Variants in CNTN4 observed in about 807,000 individuals in gnomAD.
CNTN4 encodes contactin 4, also known as contactin-4.
CNTN4 carries 77 observed loss-of-function variants against 122.5 expected under a neutral mutation model. The ratio of observed to expected loss-of-function variants is 0.63; its 90% confidence interval spans 0.52 to 0.76. CNTN4 has a LOEUF of 0.76. Among genes scored for constraint, CNTN4 ranks in the 30% least tolerant of loss-of-function variants. CNTN4 has a pLI of 0.00. For synonymous variants in CNTN4, 512 were observed against 447.0 expected, an observed-to-expected ratio of 1.15 and a Z score of -1.83; for missense variants, 1,256 against 1,259.1, an observed-to-expected ratio of 1.00 and a Z score of 0.04.
chr3:2,146,268 T>A (rs2035244242), intron 2 of CNTN4, among the ~76,000 whole-genome samples: 1 of 151,686 alleles, frequency 6.6e-6, no homozygotes, highest in Non-Finnish European at 1.5e-5. Flanking sequence ...GAGTAACTGC[T>A]GTTAATATTT....
intron 13 of CNTN4, among the ~76,000 whole-genome samples, chr3:2,944,984 C>T (rs189137598): frequency 0.019 from 2,968 of 152,216 alleles, 88 homozygotes; most frequent in African/African-American, 0.068. Context: ...CTTTAAATCC[C>T]TGGATCAGCC....
At chr3:2,238,454 A>C (rs2039768123) in intron 2 of CNTN4, among the ~76,000 whole-genome samples, 1 of 151,972 alleles carries the variant, frequency 6.6e-6, no homozygotes, top group Admixed American at 6.6e-5. Flanking sequence ...ATAAAATTTC[A>C]TTTGCTGATG....
chr3:2,169,432 A>C (rs1213884186), intron 2 of CNTN4, among the ~76,000 whole-genome samples: 1 of 151,182 alleles, frequency 6.6e-6, no homozygotes, highest in African/African-American at 2.4e-5. Context: ...TTTGAGACGG[A>C]GTCTGGCTCT....
chr3:2,973,497 T>G (rs774486165), intron 13 of CNTN4, among the ~76,000 whole-genome samples: 3 of 151,968 alleles, frequency 2.0e-5, no homozygotes, highest in Admixed American at 6.6e-5. Flanking sequence ...ATAGCTTCAT[T>G]TTGGGGGAGA....
chr3:2,127,518 T>C (rs2034235311), intron 2 of CNTN4, among the ~76,000 whole-genome samples: 2 of 152,152 alleles, frequency 1.3e-5, no homozygotes, highest in African/African-American at 2.4e-5. Flanking sequence ...GTCTCTTTTC[T>C]CTATTACTTT....
chr3:3,052,705 C>G (rs993662888), intron 23 of CNTN4, among the ~76,000 whole-genome samples: 2 of 152,212 alleles, frequency 1.3e-5, no homozygotes, highest in African/African-American at 4.8e-5. Flanking sequence ...CCTCCAAACT[C>G]AGAACCCATG....
chr3:2,786,805 A>G (rs1029274738), intron 6 of CNTN4, among the ~76,000 whole-genome samples: 4 of 152,120 alleles, frequency 2.6e-5, no homozygotes, highest in African/African-American at 9.7e-5. Flanking sequence ...GTGAAGTGCA[A>G]TTGAATGGTA....
chr3:2,796,005 A>C (rs1004583670), intron 6 of CNTN4, among the ~76,000 whole-genome samples: 1 of 152,220 alleles, frequency 6.6e-6, no homozygotes, highest in African/African-American at 2.4e-5. Flanking sequence ...TTTATTAATC[A>C]CAGAAATATC....
chr3:2,275,122 T>C (rs1880042), intron 2 of CNTN4, among the ~76,000 whole-genome samples: 98,511 of 152,066 alleles, frequency 0.65, 32,752 homozygotes, highest in South Asian at 0.77. Flanking sequence ...GTCCATCATC[T>C]ACGTTGCCTG....
intron 2 of CNTN4, among the ~76,000 whole-genome samples, chr3:2,130,356 T>G (rs1244790562): frequency 6.6e-6 from 1 of 152,186 alleles, no homozygotes; most frequent in Non-Finnish European, 1.5e-5. Context: ...AATATCAACC[T>G]TTGTTTTATC....
intron 3 of CNTN4, among the ~76,000 whole-genome samples, chr3:2,342,289 C>T (rs887899209): frequency 5.3e-5 from 8 of 152,046 alleles, no homozygotes; most frequent in African/African-American, 2.4e-5. Flanking sequence ...GTCTAAACTG[C>T]ACTCATAGGG....
At chr3:2,443,596 G>A (rs969979446) in intron 3 of CNTN4, among the ~76,000 whole-genome samples, 1 of 152,116 alleles carries the variant, frequency 6.6e-6, no homozygotes, top group Non-Finnish European at 1.5e-5. Context: ...CAATAAGAAA[G>A]AATATTGATC....
chr3:2,428,758 G>T (rs2047943320), intron 3 of CNTN4, among the ~76,000 whole-genome samples: 1 of 152,152 alleles, frequency 6.6e-6, no homozygotes, highest in Admixed American at 6.5e-5. Context: ...ATTCCTTGGA[G>T]GCTTTGTTCG....
chr3:2,585,815 G>A (rs930553196), intron 4 of CNTN4, among the ~76,000 whole-genome samples: 2 of 147,184 alleles, frequency 1.4e-5, no homozygotes, highest in Non-Finnish European at 3.0e-5. Context: ...TTGTGCACAC[G>A]TACCCTAAAA....
chr3:2,395,595 A>C (rs1037233933), intron 3 of CNTN4, among the ~76,000 whole-genome samples: 2 of 151,676 alleles, frequency 1.3e-5, no homozygotes, highest in Non-Finnish European at 2.9e-5. Context: ...TCCTTGCCCC[A>C]CTCTTTTCCT....
intron 2 of CNTN4, among the ~76,000 whole-genome samples, chr3:2,333,742 C>A (rs760396513): frequency 2.6e-5 from 4 of 152,142 alleles, no homozygotes; most frequent in Non-Finnish European, 5.9e-5. Flanking sequence ...CTGAAAAATG[C>A]ATTTAAATGT....
chr3:3,012,053 C>G (rs1186326170), intron 14 of CNTN4, among the ~76,000 whole-genome samples: 1 of 152,130 alleles, frequency 6.6e-6, no homozygotes, highest in Non-Finnish European at 1.5e-5. Context: ...AATCAGTCAA[C>G]TAGTAAGGGG....
chr3:2,126,789 A>G (rs1476768122), intron 2 of CNTN4, among the ~76,000 whole-genome samples: 3 of 152,112 alleles, frequency 2.0e-5, no homozygotes, highest in African/African-American at 7.2e-5. Context: ...AGCAATAGAG[A>G]CCTATTTAGG....
intron 7 of CNTN4, among the ~76,000 whole-genome samples, chr3:2,849,677 T>A (rs2093514578): frequency 2.0e-5 from 3 of 152,204 alleles, no homozygotes; most frequent in Non-Finnish European, 4.4e-5. Flanking sequence ...AAGGTTGGGA[T>A]TGATGGACGT....
Sources: gnomAD v4.1 joint callset for allele counts (sites outside exome capture counted in the v4.1 genomes callset) on GRCh38, gnomAD v4.1.1 for gene constraint, MANE v1.5 for transcripts, NCBI Gene and HGNC (gene_info 2026-07-23, HGNC 2026-07-21) for gene names.